Variants in NFIB observed in about 807,000 individuals in gnomAD.
NFIB encodes nuclear factor 1 B-type.
In NFIB, 11 loss-of-function variants were observed where a neutral mutation model predicts 61.5. The observed-to-expected ratio is 0.18, with a 90% CI of 0.11 to 0.30. NFIB has a LOEUF of 0.30. NFIB is among the 10% of genes least tolerant of loss of function. The probability of loss-of-function intolerance (pLI) is 1.00; values close to 1 mark genes in which losing one functional copy is unlikely to be tolerated. For synonymous variants in NFIB, 260 were observed against 216.5 expected (o/e 1.20, Z -1.76); for missense variants, 471 against 608.9 (o/e 0.77, Z 2.38).
the NFIB span, among the ~76,000 whole-genome samples, chr9:14,486,481 A>G: frequency 1.3e-5 from 2 of 152,224 alleles, no homozygotes; most frequent in Non-Finnish European, 2.9e-5. Context: ...GGAGGAAAAT[A>G]TGCCTAGGGA....
At chr9:14,090,613 A>G (rs2033736179) in intron 10 of NFIB, among the ~76,000 whole-genome samples, 1 of 152,108 alleles carries the variant, frequency 6.6e-6, no homozygotes, top group African/African-American at 2.4e-5. Flanking sequence ...AAAATAAATT[A>G]CAAAAATGGT....
chr9:14,318,549 G>C (rs1778652508), upstream of NFIB, among the ~76,000 whole-genome samples: 1 of 98,100 alleles, frequency 1.0e-5, no homozygotes, highest in Non-Finnish European at 1.8e-5. Flanking sequence ...CATGTGGTTT[G>C]CAAGAAGGTT....
At chr9:14,505,743 C>T in the NFIB span, among the ~76,000 whole-genome samples, 3 of 152,128 alleles carry the variant, frequency 2.0e-5, no homozygotes, top group African/African-American at 7.2e-5. Flanking sequence ...TGGAGCTGGA[C>T]CACCTACAGC....
intron 1 of NFIB, among the ~76,000 whole-genome samples, chr9:14,353,042 A>T (rs2061132764): frequency 6.6e-6 from 1 of 152,170 alleles, no homozygotes; most frequent in African/African-American, 2.4e-5. Flanking sequence ...ACACAGAGGC[A>T]AGCTGGTGGG....
intron 10 of NFIB, among the ~76,000 whole-genome samples, chr9:14,097,864 C>CTTTCTTT (rs1218244660): frequency 0.012 from 1,239 of 107,686 alleles, 24 homozygotes; most frequent in African/African-American, 0.039. Context: ...TTTTTTCTTT[C>CTTTCTTT]TTTCTTTTTT....
chr9:14,341,778 C>G (rs1037122537), intron 1 of NFIB, among the ~76,000 whole-genome samples: 7 of 152,084 alleles, frequency 4.6e-5, no homozygotes, highest in African/African-American at 1.7e-4. Context: ...CTGTTACAAC[C>G]TGGTTCTGCT....
rs1460206185 is a variant in NFIB at position 14,084,641 on chromosome 9, T to C, written c.*3668A>G. On this transcript the variant is annotated 3_prime_UTR_variant, in exon 11 of 11. Transcript: ENST00000380953. ...CTGAACAGTGCCACGGAACTGATGG[T>C]TGGAGACACCACTCCCTACTCATGC... 4.4e-6 allele frequency: 1 copy of C among 229,602 alleles called. No individual in the cohort carries two copies. The allele number at this position is 229,602 out of a possible 1,614,324, so 14.2% of individuals were successfully genotyped here. A position where few individuals can be genotyped will look rare whatever the true frequency, so the allele number is the denominator to read the frequency against.
the NFIB span, among the ~76,000 whole-genome samples, chr9:14,467,937 A>G: frequency 1.3e-5 from 2 of 152,246 alleles, no homozygotes; most frequent in African/African-American, 4.8e-5. Flanking sequence ...TCAAGCCCTG[A>G]TCTGTGCAAT....
the NFIB span, among the ~76,000 whole-genome samples, chr9:14,438,943 C>G: frequency 2.0e-5 from 3 of 152,204 alleles, no homozygotes; most frequent in Admixed American, 2.0e-4. Context: ...CCCCAATGAC[C>G]ACATTTTCTC....
chr9:14,317,413 T>G (rs1259589086), upstream of NFIB: 1 of 152,210 alleles, frequency 6.6e-6, no homozygotes, highest in African/African-American at 2.4e-5. Flanking sequence ...TCAAATCTCT[T>G]TCAATTGCCC....
the NFIB span, among the ~76,000 whole-genome samples, chr9:14,491,855 T>G: frequency 2.0e-5 from 3 of 152,168 alleles, no homozygotes; most frequent in African/African-American, 7.2e-5. Context: ...AAAATCATGA[T>G]GATGAAGGGA....
At chr9:14,470,279 T>C in the NFIB span, among the ~76,000 whole-genome samples, 2 of 152,128 alleles carry the variant, frequency 1.3e-5, no homozygotes, top group Admixed American at 1.3e-4. Flanking sequence ...TGCTCCATTT[T>C]CTCCTCTCTT....
At chr9:14,356,536 C>T (rs1242776441) in intron 1 of NFIB, among the ~76,000 whole-genome samples, 3 of 151,916 alleles carry the variant, frequency 2.0e-5, no homozygotes, top group Non-Finnish European at 4.4e-5. Flanking sequence ...GCAGTGCAGC[C>T]CCGTGTAAAA....
chr9:14,529,017 A>G, the NFIB span, among the ~76,000 whole-genome samples: 1 of 152,186 alleles, frequency 6.6e-6, no homozygotes, highest in African/African-American at 2.4e-5. Flanking sequence ...ATACAAAATC[A>G]TCTAAAGAAG....
At chr9:14,275,638 ACT>A (rs1434148450) in intron 2 of NFIB, among the ~76,000 whole-genome samples, 1 of 152,166 alleles carries the variant, frequency 6.6e-6, no homozygotes, top group Non-Finnish European at 1.5e-5. Flanking sequence ...AGTTGTGAGT[ACT>A]TATCTAAAAG....
intron 5 of NFIB, among the ~76,000 whole-genome samples, chr9:14,149,523 A>T (rs951526825): frequency 1.3e-5 from 2 of 152,146 alleles, no homozygotes; most frequent in African/African-American, 4.8e-5. Context: ...GATCAGGAAA[A>T]AAAAAATGAG....
At chr9:14,438,296 C>G in the NFIB span, among the ~76,000 whole-genome samples, 1 of 152,194 alleles carries the variant, frequency 6.6e-6, no homozygotes, top group Admixed American at 6.5e-5. Context: ...CTTCCAAATA[C>G]ATCACCATCA....
chr9:14,277,686 T>G (rs570495951), intron 2 of NFIB, among the ~76,000 whole-genome samples: 1 of 152,202 alleles, frequency 6.6e-6, no homozygotes, highest in Non-Finnish European at 1.5e-5. Flanking sequence ...CCTCTGCAGA[T>G]AGACCTAAAG....
rs137858122 is a variant in NFIB, at chr9:14,390,157, T to C, written c.108+8367A>G. On this transcript the variant is annotated intron_variant, in intron 1 of 8. Coordinates refer to the NFIB transcript ENST00000380934. ...TAAAGTTCATTGGAAAGCAGACTGA[T>C]GCCCCCAAAGGAAAAAAAGGCAAGC... 2.1e-4 allele frequency among the ~76,000 whole-genome samples: 32 copies of C among 152,272 alleles called. 1 individual carries two copies. The East Asian group carries it at 5.6e-3, about 27-fold the overall frequency.
Sources: allele counts gnomAD v4.1 joint callset (sites outside exome capture counted in the v4.1 genomes callset), GRCh38; gene constraint gnomAD v4.1.1; transcripts MANE v1.5; gene names NCBI Gene and HGNC (gene_info 2026-07-23, HGNC 2026-07-21).